KLC1: variants seen among roughly 807,000 people sequenced by gnomAD.
KLC1 encodes kinesin 2 60/70kDa.
A neutral mutation model predicts 84.2 loss-of-function variants in KLC1; 30 were observed. The observed-to-expected ratio is 0.36, with a 90% CI of 0.27 to 0.48. The LOEUF (loss-of-function observed/expected upper bound fraction) is 0.48. KLC1 is among the 20% of genes least tolerant of loss of function. KLC1 has a pLI of 0.99. For synonymous variants in KLC1, 289 were observed against 293.3 expected (o/e 0.99, Z 0.15); for missense variants, 499 against 805.4 (o/e 0.62, Z 4.60).
Position 103,687,062 on chromosome 14 carries a change from T to G in KLC1, c.1651-19T>G. On this transcript the variant is annotated intron_variant, in intron 13 of 16. Coordinates refer to ENST00000334553, the MANE Select transcript of KLC1 (RefSeq NM_001394837.1). ...GGGAGAACCACCTGCAGCTTCACGT[T>G]TGTTCACGTTTTTTTCAGGATGGCA... 1 of 1,510,082 alleles carries G rather than the reference T, an allele frequency of 6.6e-7. No homozygotes were observed. 93.5% of individuals were successfully genotyped at this position (1,510,082 alleles called of 1,614,324 possible).
chr14:103,636,254 T>C (rs576100291), intron 1 of KLC1, among the ~76,000 whole-genome samples: 2 of 152,290 alleles, frequency 1.3e-5, no homozygotes, highest in South Asian at 2.1e-4. Context: ...GGAGTTTCAC[T>C]CTTGTTGCCC....
intron 1 of KLC1, 60 bp from the exon 2 acceptor site, chr14:103,654,504 A>C: frequency 7.2e-7 from 1 of 1,393,608 alleles, no homozygotes; most frequent in African/African-American, 1.4e-5. Context: ...TATTTACTTG[A>C]TGTAACAGAA....
intron 13 of KLC1, 94 bp from the exon 14 acceptor site, chr14:103,686,987 G>A (rs2081816498): frequency 4.4e-6 from 4 of 901,952 alleles, no homozygotes; most frequent in Non-Finnish European, 5.0e-6. Flanking sequence ...CAAGCAGGGC[G>A]GCCTTGGTGG....
Position 103,694,910 on chromosome 14 carries a change from G to A in KLC1, c.1848+2485G>A, listed in dbSNP as rs538789208. 27 of 985,458 alleles carry A rather than the reference G, an allele frequency of 2.7e-5. No homozygotes were observed. Among genetic ancestry groups the A allele is most frequent in the South Asian group, 1.9e-4 (4 of 21,284 alleles). The allele number at this position is 985,458 out of a possible 1,614,324, so 61.0% of individuals were successfully genotyped here. On this transcript the variant is annotated intron_variant, in intron 15 of 16. Transcript: ENST00000334553. This position sits in a 1 kb window ranked among gnomAD's most constrained non-coding sequence, Gnocchi z 4.5. ...GCAGGACTGCTGTGTTTGTGAAAGC[G>A]CGTTTGTTTCCACAAGACAAGCTCC...
intron 4 of KLC1, 144 bp downstream of exon 4, chr14:103,662,338 T>C (rs2079365510): frequency 1.4e-6 from 1 of 715,170 alleles, no homozygotes; most frequent in Non-Finnish European, 2.5e-6. Context: ...CCTTTGGTTT[T>C]CCAAAATAAT....
At chr14:103,667,766 A>G (rs890029697) in intron 5 of KLC1, among the ~76,000 whole-genome samples, 2 of 152,252 alleles carry the variant, frequency 1.3e-5, no homozygotes, top group Non-Finnish European at 2.9e-5. Context: ...AGTGTGCTTC[A>G]GAGGTTGTAG....
intron 5 of KLC1, 127 bp from the exon 6 acceptor site, chr14:103,669,384 A>G: frequency 3.6e-6 from 2 of 552,482 alleles, no homozygotes; most frequent in African/African-American, 1.9e-5. Context: ...CAGTGAGCCA[A>G]GATGGCACCA....
At position 103,693,806 on chromosome 14, in the gene KLC1, G is replaced by C; in HGVS notation, c.1848+1381G>C. The C allele has an allele frequency of 5.0e-6, 7 of 1,397,640 alleles. No individual in the cohort carries two copies. The highest frequency in any genetic ancestry group is 3.2e-5 in the Admixed American group (1 of 31,536). 86.6% of individuals were successfully genotyped at this position (1,397,640 alleles called of 1,614,324 possible). A position where few individuals can be genotyped will look rare whatever the true frequency, so the allele number is the denominator to read the frequency against. On this transcript the variant is annotated intron_variant, in intron 15 of 16. Transcript: ENST00000334553. This position sits in a 1 kb window ranked among gnomAD's most constrained non-coding sequence, Gnocchi z 5.1. ...GCCGTGCCTCAGCATTCTGTTACTC[G>C]GCCTGCAGCCCCAGTGCCAGGAGCC...
rs530758320 is a variant in KLC1, at chr14:103,650,581, C to CTT, written c.-1-3967_-1-3966dup. ...CTGTTACTTAGCGGTAGCCTGTATA[C>CTT]TTTTTTTTTTTTTTTTTGAGATGGA... On this transcript the variant is annotated intron_variant, in intron 1 of 16. Transcript: ENST00000334553. Among the ~76,000 whole-genome samples the CTT allele has an allele frequency of 8.0e-4, 109 of 135,832 alleles. 1 individual carries two copies. The highest frequency in any genetic ancestry group is 1.0e-3 in the African/African-American group (38 of 36,604). 89.1% of individuals were successfully genotyped at this position (135,832 alleles called of 152,430 possible).
chr14:103,686,273 C>A (rs947139062), intron 13 of KLC1: 23 of 959,330 alleles, frequency 2.4e-5, no homozygotes, highest in Non-Finnish European at 2.6e-5. Flanking sequence ...CACTCTTTAT[C>A]CATGAAACGC....
intron 1 of KLC1, among the ~76,000 whole-genome samples, chr14:103,636,948 C>T (rs1225479896): frequency 6.7e-6 from 1 of 149,522 alleles, no homozygotes; most frequent in Admixed American, 6.7e-5. Flanking sequence ...CCAGGATGGT[C>T]TCGATCTCCT....
intron 1 of KLC1, among the ~76,000 whole-genome samples, chr14:103,640,124 G>T (rs1050500847): frequency 6.6e-6 from 1 of 152,048 alleles, no homozygotes; most frequent in Non-Finnish European, 1.5e-5. Flanking sequence ...GCAGTGGCAC[G>T]ATCTTGGCTC....
intron 15 of KLC1, chr14:103,696,567 T>C (rs1478459863): frequency 2.0e-6 from 2 of 985,358 alleles, no homozygotes; most frequent in Non-Finnish European, 2.4e-6. Context: ...TTGTGAGCTG[T>C]GTGTACGCTG....
At chr14:103,669,432 T>TAAAAAAAAAAG in intron 5 of KLC1, 79 bp from the exon 6 acceptor site, 1 of 824,408 alleles carries the variant, frequency 1.2e-6, no homozygotes, top group East Asian at 2.8e-5. Flanking sequence ...AGACTCTGTC[T>TAAAAAAAAAAG]AAAAAAAAAG....
At chr14:103,648,369 C>T (rs896389635) in intron 1 of KLC1, among the ~76,000 whole-genome samples, 6 of 152,278 alleles carry the variant, frequency 3.9e-5, no homozygotes, top group Non-Finnish European at 8.8e-5. Flanking sequence ...TGGCAAGTTG[C>T]GATACAGGTA....
chr14:103,661,404 T>C (rs981425364), intron 3 of KLC1, among the ~76,000 whole-genome samples: 1 of 152,206 alleles, frequency 6.6e-6, no homozygotes, highest in Non-Finnish European at 1.5e-5. Context: ...GGCCAGTTAT[T>C]TTGTCCATCA....
intron 1 of KLC1, among the ~76,000 whole-genome samples, chr14:103,638,004 T>C (rs937946525): frequency 2.0e-5 from 3 of 152,148 alleles, no homozygotes; most frequent in African/African-American, 7.2e-5. Context: ...AAGATACTAT[T>C]TATTTCCCTG....
At chr14:103,690,531 C>T (rs1399993672) in intron 14 of KLC1, among the ~76,000 whole-genome samples, 1 of 152,232 alleles carries the variant, frequency 6.6e-6, no homozygotes, top group African/African-American at 2.4e-5. Context: ...CAGCCTCATC[C>T]CAGTGTCCTG....
chr14:103,675,641 A>G, intron 10 of KLC1, 40 bp downstream of exon 10: 1 of 1,600,148 alleles, frequency 6.2e-7, no homozygotes, highest in Non-Finnish European at 8.6e-7. Flanking sequence ...AATTGTATAT[A>G]CTGCATTCAA....
Sources: allele counts gnomAD v4.1 joint callset (sites outside exome capture counted in the v4.1 genomes callset), GRCh38; gene constraint gnomAD v4.1.1; non-coding constraint Gnocchi (gnomAD v3.1); transcripts MANE v1.5; gene names NCBI Gene and HGNC (gene_info 2026-07-23, HGNC 2026-07-21).